The following DYNC1I1 variants were observed in gnomAD, a reference collection of about 807,000 sequenced individuals.
The protein encoded by DYNC1I1 is dynein cytoplasmic 1 intermediate chain 1.
A neutral mutation model predicts 86.6 loss-of-function variants in DYNC1I1; 43 were observed. The observed-to-expected ratio is 0.50, with a 90% CI of 0.39 to 0.64. The LOEUF is 0.64. Among genes scored for constraint, DYNC1I1 ranks in the 30% least tolerant of loss-of-function variants. The probability of loss-of-function intolerance (pLI) is 0.00; values close to 1 mark genes in which losing one functional copy is unlikely to be tolerated. For missense variants in DYNC1I1, 604 were observed against 788.8 expected (o/e 0.77, Z 2.81); for synonymous variants, 262 against 283.7 (o/e 0.92, Z 0.77).
chr7:95,828,131 T>TTTTTATTATTTCTTACTTATTATTTATTA lies in DYNC1I1; in HGVS notation c.374+18_374+19insTATTATTTCTTACTTATTATTTATTATTT. 6.2e-7 allele frequency: 1 copy of TTTTTATTATTTCTTACTTATTATTTATTA among 1,613,524 alleles called. No individual in the cohort carries two copies. The highest frequency in any genetic ancestry group is 8.5e-7 in the Non-Finnish European group (1 of 1,179,508). ...TCAGAACTTGGGTATATGTCTGCTC[T>TTTTTATTATTTCTTACTTATTATTTATTA]TTTGTTACTCCTTTTATTATTTCTT... On this transcript the variant is annotated intron_variant, in intron 5 of 16. Transcript: ENST00000447467.
intron 6 of DYNC1I1, among the ~76,000 whole-genome samples, chr7:95,941,172 G>A (rs1165361428): frequency 2.6e-5 from 4 of 152,080 alleles, no homozygotes; most frequent in Non-Finnish European, 4.4e-5. Context: ...TTGTCTCAGC[G>A]GAGTACCCGG....
Position 96,039,376 on chromosome 7 carries a change from T to C in DYNC1I1, c.1464T>C (p.Phe488=). ...AVGPIDFSHL[F]VTSSFDWTVK... The stretch of plus-strand genomic sequence containing the variant: ...GCCCAATCGACTTTTCTCACCTGTT[T>C]GTCACATCATCATTTGACTGGACTG... The change falls in exon 14 of 17, where the codon TTT becomes TTC. Residue 488 remains phenylalanine (F), a synonymous_variant. Coordinates refer to ENST00000447467, the MANE Select transcript of DYNC1I1 (RefSeq NM_001135556.2). 6.2e-7 allele frequency: 1 copy of C among 1,614,128 alleles called. No individual in the cohort carries two copies. Among genetic ancestry groups the C allele is most frequent in the East Asian group, 2.2e-5 (1 of 44,866 alleles).
chr7:95,876,866 G>C (rs1200918101), intron 6 of DYNC1I1, among the ~76,000 whole-genome samples: 1 of 151,900 alleles, frequency 6.6e-6, no homozygotes, highest in African/African-American at 2.4e-5. Context: ...CAGTAAAATT[G>C]GTAAAAATGA....
chr7:95,832,883 G>T (rs1025931031), intron 5 of DYNC1I1, among the ~76,000 whole-genome samples: 1 of 152,140 alleles, frequency 6.6e-6, no homozygotes, highest in African/African-American at 2.4e-5. Context: ...TTTGTCAGAT[G>T]AGTGGGTCGT....
intron 11 of DYNC1I1, among the ~76,000 whole-genome samples, chr7:96,029,568 A>G (rs938469171): frequency 6.6e-6 from 1 of 152,192 alleles, no homozygotes; most frequent in Non-Finnish European, 1.5e-5. Flanking sequence ...TTAGAGTGTG[A>G]TCATCACAAC....
intron 6 of DYNC1I1, among the ~76,000 whole-genome samples, chr7:95,923,002 AT>A (rs1334563630): frequency 6.6e-6 from 1 of 152,122 alleles, no homozygotes; most frequent in Non-Finnish European, 1.5e-5. Context: ...TTTAATTCAA[AT>A]TAAAATTAAT....
chr7:95,890,179 C>G (rs1363869215), intron 6 of DYNC1I1, among the ~76,000 whole-genome samples: 1 of 152,190 alleles, frequency 6.6e-6, no homozygotes, highest in Non-Finnish European at 1.5e-5. Context: ...ATGGAATCAA[C>G]CTCAATGCCC....
intron 5 of DYNC1I1, among the ~76,000 whole-genome samples, chr7:95,853,011 C>T (rs771746446): frequency 2.2e-4 from 34 of 151,632 alleles, no homozygotes; most frequent in South Asian, 2.1e-4. Context: ...CTTTTAATTC[C>T]TCTTTGACCC....
intron 5 of DYNC1I1, among the ~76,000 whole-genome samples, chr7:95,833,903 A>T: frequency 6.7e-6 from 1 of 149,948 alleles, no homozygotes; most frequent in Admixed American, 6.7e-5. Flanking sequence ...ATATACAATC[A>T]TGTTGTCTGC....
chr7:95,779,579 C>G (rs1793933327), intron 1 of DYNC1I1, among the ~76,000 whole-genome samples: 2 of 152,040 alleles, frequency 1.3e-5, no homozygotes, highest in African/African-American at 2.4e-5. Flanking sequence ...TTTTTTATAA[C>G]AAAAAATTGT....
rs1422807394 is a variant in DYNC1I1 at position 96,096,115 on chromosome 7, G to A, written c.1777-1368G>A. On this transcript the variant is annotated intron_variant, in intron 16 of 16. Transcript: ENST00000447467. ...CAGAATTATATTCTTGAAACATTTA[G>A]CCTTAATACCAGAACACTAATTTAA... Among the ~76,000 whole-genome samples, 3 of 152,124 alleles carry A rather than the reference G, an allele frequency of 2.0e-5. No homozygotes were observed. The East Asian group carries it at 5.8e-4, about 29-fold the overall frequency.
chr7:95,904,640 T>C (rs115055067), intron 6 of DYNC1I1, among the ~76,000 whole-genome samples: 3 of 142,442 alleles, frequency 2.1e-5, no homozygotes, highest in Non-Finnish European at 3.0e-5. Context: ...TATATATATA[T>C]ACACATATAC....
chr7:95,877,938 G>A (rs1047944490), intron 6 of DYNC1I1, among the ~76,000 whole-genome samples: 7 of 152,302 alleles, frequency 4.6e-5, no homozygotes, highest in Non-Finnish European at 5.9e-5. Flanking sequence ...ACCTGTTACC[G>A]CAGGATAACT....
intron 10 of DYNC1I1, among the ~76,000 whole-genome samples, chr7:96,004,308 TCTC>T (rs1794088099): frequency 6.6e-6 from 1 of 152,206 alleles, no homozygotes; most frequent in African/African-American, 2.4e-5. Context: ...TTAACTCTAA[TCTC>T]CTTGAAAATA....
chr7:96,070,835 A>G (rs1790138551), intron 14 of DYNC1I1, among the ~76,000 whole-genome samples: 1 of 152,238 alleles, frequency 6.6e-6, no homozygotes, highest in Admixed American at 6.5e-5. Flanking sequence ...GAACCATTAT[A>G]TTCTCTAGAT....
At position 96,098,245 on chromosome 7, in the gene DYNC1I1, A is replaced by C; in HGVS notation, c.*652A>C. 3 of 985,888 alleles carry C rather than the reference A, an allele frequency of 3.0e-6. No individual in the cohort carries two copies. The highest frequency in any genetic ancestry group is 3.6e-6 in the Non-Finnish European group (3 of 829,938). The allele number at this position is 985,888 out of a possible 1,614,324, so 61.1% of individuals were successfully genotyped here. A position where few individuals can be genotyped will look rare whatever the true frequency, so the allele number is the denominator to read the frequency against. Reference sequence around the variant, plus strand: ...ATGCCAGTTCCACTGAAGACATGAAATCTTTAGAGGTTTCTTGCAGTGAAC... The same window carrying C: ...ATGCCAGTTCCACTGAAGACATGAACTCTTTAGAGGTTTCTTGCAGTGAAC... On this transcript the variant is annotated 3_prime_UTR_variant, in exon 17 of 17. Transcript: ENST00000447467.
At chr7:96,066,745 T>C (rs1790003386) in intron 14 of DYNC1I1, among the ~76,000 whole-genome samples, 1 of 152,186 alleles carries the variant, frequency 6.6e-6, no homozygotes, top group Admixed American at 6.5e-5. Flanking sequence ...GCAGTATATT[T>C]AACTTGTAAG....
chr7:96,090,992 G>A (rs188138433), intron 16 of DYNC1I1, among the ~76,000 whole-genome samples: 2 of 152,254 alleles, frequency 1.3e-5, no homozygotes, highest in East Asian at 1.9e-4. Flanking sequence ...ATGCTTGGTC[G>A]TTCAGTGGCT....
chr7:95,905,533 A>G (rs1472823766), intron 6 of DYNC1I1, among the ~76,000 whole-genome samples: 2 of 152,152 alleles, frequency 1.3e-5, no homozygotes, highest in African/African-American at 2.4e-5. Context: ...ACTCATGCTA[A>G]TATTGCCCTT....
Sources: gnomAD v4.1 joint callset for allele counts (sites outside exome capture counted in the v4.1 genomes callset) on GRCh38, gnomAD v4.1.1 for gene constraint, MANE v1.5 for transcripts, NCBI Gene and HGNC (gene_info 2026-07-23, HGNC 2026-07-21) for gene names.